Variants in ATP6V0D2 observed in about 807,000 individuals in gnomAD.
ATP6V0D2 encodes ATPase H+ transporting V0 subunit d2, also known as V-type proton ATPase subunit d 2.
ATP6V0D2 carries 40 observed loss-of-function variants against 40.0 expected under a neutral mutation model. That is an observed-to-expected ratio of 1.00 (90% CI 0.78 to 1.30). The LOEUF is 1.30. ATP6V0D2 is among the 50% of genes most tolerant of loss of function. The pLI is 0.00. For missense variants in ATP6V0D2, 470 were observed against 423.1 expected, an observed-to-expected ratio of 1.11 and a Z score of -0.97; for synonymous variants, 179 against 156.3, an observed-to-expected ratio of 1.15 and a Z score of -1.08.
In ATP6V0D2 at chr8:86,142,380, C is replaced by T. The variant is rs530267663; in HGVS notation, c.562-497C>T. On this transcript the variant is annotated intron_variant, in intron 4 of 7. Transcript: ENST00000285393. Reference sequence around the variant, plus strand: ...GAGGTGAAAACTGAGGCTTGGAGAGCCAAGGTTTCTTTGGAAGAAGTCAGT... The same window carrying T: ...GAGGTGAAAACTGAGGCTTGGAGAGTCAAGGTTTCTTTGGAAGAAGTCAGT... Among the ~76,000 whole-genome samples the T allele has an allele frequency of 1.6e-4, 25 of 152,260 alleles. No individual in the cohort carries two copies. The South Asian group carries it at 5.0e-3, about 30-fold the overall frequency.
intron 1 of ATP6V0D2, among the ~76,000 whole-genome samples, chr8:86,103,162 G>A (rs1210179612): frequency 2.6e-5 from 4 of 151,768 alleles, no homozygotes; most frequent in Non-Finnish European, 4.4e-5. Context: ...CTGTCACCCA[G>A]GCTGGTCTCC....
Position 86,150,118 on chromosome 8 carries a change from G to A in ATP6V0D2, c.646G>A (p.Ala216Thr). The A allele has an allele frequency of 6.2e-7, 1 of 1,610,584 alleles. No individual in the cohort carries two copies. Among genetic ancestry groups the A allele is most frequent in the Non-Finnish European group, 8.5e-7 (1 of 1,178,260 alleles). The part of the protein sequence containing the change: ...EVMCPILEFE[A>T]DRRAFIITLN... ...TTTTGTCTTGCAAATTCAGTTTGAG[G>A]CCGACAGACGTGCTTTTATCATCAC... The change falls in exon 6 of 8, where the codon GCC (alanine) becomes ACC (threonine). Residue 216 changes from alanine (A) to threonine (T), a missense_variant. Physicochemically the swap from Ala to Thr is moderately conservative, Grantham distance 58. Transcript: ENST00000285393.
At chr8:86,103,550 T>C (rs979061073) in intron 1 of ATP6V0D2, among the ~76,000 whole-genome samples, 3 of 152,094 alleles carry the variant, frequency 2.0e-5, no homozygotes, top group African/African-American at 7.2e-5. Context: ...TCTCCAGCAG[T>C]GTCTTCAGGT....
At chr8:86,147,712 A>G (rs1819090662) in intron 5 of ATP6V0D2, among the ~76,000 whole-genome samples, 1 of 152,220 alleles carries the variant, frequency 6.6e-6, no homozygotes, top group Admixed American at 6.5e-5. Flanking sequence ...TTCAAAGGGA[A>G]TCATATCCAA....
At chr8:86,101,284 C>T (rs1185287515) in intron 1 of ATP6V0D2, among the ~76,000 whole-genome samples, 1 of 151,518 alleles carries the variant, frequency 6.6e-6, no homozygotes, top group African/African-American at 2.4e-5. Flanking sequence ...CACAGCAAGA[C>T]CTCGTCTCTA....
Position 86,150,127 on chromosome 8 carries a change from C to T in ATP6V0D2, c.655C>T (p.Arg219Cys), listed in dbSNP as rs769025984. The T allele has an allele frequency of 2.5e-5, 40 of 1,612,442 alleles. No homozygotes were observed. Among genetic ancestry groups the T allele is most frequent in the South Asian group, 5.5e-5 (5 of 90,852 alleles). The change falls in exon 6 of 8, where the codon CGT (arginine) becomes TGT (cysteine). Residue 219 changes from arginine to cysteine, a missense_variant. By Grantham distance (180) the Arg-to-Cys change is radical. Transcript: ENST00000285393. The stretch of plus-strand genomic sequence containing the variant: ...GCAAATTCAGTTTGAGGCCGACAGA[C>T]GTGCTTTTATCATCACTCTTAACTC... Reference protein sequence around the residue: ...CPILEFEADRRAFIITLNSFG... With the variant: ...CPILEFEADRCAFIITLNSFG...
At chr8:86,101,126 G>A (rs1321786334) in intron 1 of ATP6V0D2, among the ~76,000 whole-genome samples, 3 of 142,968 alleles carry the variant, frequency 2.1e-5, no homozygotes, top group South Asian at 4.4e-4. Context: ...CAGCCTGGGT[G>A]ACACAGTGAA....
chr8:86,149,218 C>A (rs1819111809), intron 5 of ATP6V0D2, among the ~76,000 whole-genome samples: 1 of 151,938 alleles, frequency 6.6e-6, no homozygotes, highest in African/African-American at 2.4e-5. Flanking sequence ...AAAACCATGG[C>A]AAGCCCCCAC....
chr8:86,118,085 C>CTTTTTTT (rs1222811419), intron 2 of ATP6V0D2, among the ~76,000 whole-genome samples: 1 of 27,622 alleles, frequency 3.6e-5, no homozygotes, highest in African/African-American at 7.8e-5. Flanking sequence ...TTCTTTCTTT[C>CTTTTTTT]TTTTTTTTTT....
rs1451354597 is a variant in ATP6V0D2, at chr8:86,153,137, A to G, written c.*160A>G. On this transcript the variant is annotated 3_prime_UTR_variant, in exon 8 of 8. Coordinates refer to ENST00000285393, the MANE Select transcript of ATP6V0D2 (RefSeq NM_152565.1). ...ATGGAAACACAGTAAACCAGCCCTGAAACAAAGCATTTCCTTGTTTTCAGT... is the reference window on the plus strand; with the variant it reads ...ATGGAAACACAGTAAACCAGCCCTGGAACAAAGCATTTCCTTGTTTTCAGT... The G allele has an allele frequency of 1.9e-6, 1 of 516,864 alleles. No individual in the cohort carries two copies. The highest frequency in any genetic ancestry group is 3.2e-6 in the Non-Finnish European group (1 of 314,988). 32.0% of individuals were successfully genotyped at this position (516,864 alleles called of 1,614,324 possible).
intron 7 of ATP6V0D2, 85 bp downstream of exon 7, chr8:86,151,625 C>T: frequency 9.3e-7 from 1 of 1,069,626 alleles, no homozygotes; most frequent in Non-Finnish European, 1.4e-6. Flanking sequence ...TTTCTTTTTA[C>T]AGCTGATCAT....
chr8:86,129,751 C>T (rs1031837632), intron 2 of ATP6V0D2, among the ~76,000 whole-genome samples: 4 of 151,002 alleles, frequency 2.6e-5, no homozygotes, highest in Non-Finnish European at 5.9e-5. Flanking sequence ...TGCAGTGAGC[C>T]GAGATCGTGC....
intron 2 of ATP6V0D2, among the ~76,000 whole-genome samples, chr8:86,116,495 C>T (rs912296025): frequency 2.0e-5 from 3 of 152,206 alleles, no homozygotes; most frequent in Admixed American, 6.5e-5. Context: ...CGTGCACCAT[C>T]ATGCCTGGAA....
intron 2 of ATP6V0D2, among the ~76,000 whole-genome samples, chr8:86,126,475 C>T (rs762972661): frequency 6.6e-6 from 1 of 151,570 alleles, no homozygotes; most frequent in Non-Finnish European, 1.5e-5. Flanking sequence ...TTGAAATGAA[C>T]ATGTAAAACG....
At chr8:86,117,989 T>G (rs1411147537) in intron 2 of ATP6V0D2, among the ~76,000 whole-genome samples, 1 of 149,210 alleles carries the variant, frequency 6.7e-6, no homozygotes, top group Admixed American at 6.8e-5. Flanking sequence ...TGTTTTTCTT[T>G]TCTTTCTCTT....
chr8:86,128,824 C>T (rs574639529), intron 2 of ATP6V0D2, among the ~76,000 whole-genome samples: 1 of 152,310 alleles, frequency 6.6e-6, no homozygotes, highest in Non-Finnish European at 1.5e-5. Context: ...GTGTCCCAGC[C>T]TTCCAAATGA....
chr8:86,150,867 T>G (rs1474619264), intron 6 of ATP6V0D2, among the ~76,000 whole-genome samples: 2 of 152,174 alleles, frequency 1.3e-5, no homozygotes, highest in Non-Finnish European at 2.9e-5. Context: ...TCAGCTTCCA[T>G]TCCCTCTCAC....
rs573469218 is a variant in ATP6V0D2 at position 86,115,729 on chromosome 8, C to G, written c.302+1849C>G. On this transcript the variant is annotated intron_variant, in intron 2 of 7. Transcript: ENST00000285393. ...TATCTCTGCCCTTCAGTCCAGTGAACAAGAAAATGGAACTAAGAATATCCA... is the reference window on the plus strand; with the variant it reads ...TATCTCTGCCCTTCAGTCCAGTGAAGAAGAAAATGGAACTAAGAATATCCA... Among the ~76,000 whole-genome samples the G allele has an allele frequency of 1.4e-4, 21 of 152,166 alleles. No homozygotes were observed. The East Asian group carries it at 3.9e-3, about 28-fold the overall frequency.
intron 1 of ATP6V0D2, among the ~76,000 whole-genome samples, chr8:86,103,272 C>T (rs1043919767): frequency 6.6e-6 from 1 of 151,654 alleles, no homozygotes; most frequent in African/African-American, 2.4e-5. Context: ...CATGTGCCAC[C>T]ATGCCTGGCT....
Sources: allele counts gnomAD v4.1 joint callset (sites outside exome capture counted in the v4.1 genomes callset), GRCh38; gene constraint gnomAD v4.1.1; transcripts MANE v1.5; gene names NCBI Gene and HGNC (gene_info 2026-07-23, HGNC 2026-07-21).